The following NRXN3 variants were observed in gnomAD, a reference collection of about 807,000 sequenced individuals.
NRXN3 encodes neurexin III.
Under a neutral mutation model 137.6 loss-of-function variants are expected in NRXN3, and 32 were observed. The observed-to-expected ratio is 0.23, with a 90% CI of 0.18 to 0.31. The LOEUF is 0.31. Ranked by LOEUF, NRXN3 falls within the 10% of genes least tolerant of loss-of-function variation. The pLI is 1.00. For synonymous variants in NRXN3, 798 were observed against 784.5 expected, an observed-to-expected ratio of 1.02 and a Z score of -0.29; for missense variants, 1,574 against 2,062.5, an observed-to-expected ratio of 0.76 and a Z score of 4.59.
chr14:78,310,219 A>G (rs1343564184), intron 4 of NRXN3, among the ~76,000 whole-genome samples: 1 of 146,526 alleles, frequency 6.8e-6, no homozygotes, highest in Non-Finnish European at 1.5e-5. Flanking sequence ...TCTCTACTGT[A>G]TATCTAAGGT....
intron 4 of NRXN3, among the ~76,000 whole-genome samples, chr14:78,356,124 C>T (rs1269232682): frequency 1.3e-5 from 2 of 152,230 alleles, no homozygotes; most frequent in African/African-American, 4.8e-5. Context: ...CAGAAATTCT[C>T]ACCCACTTTG....
At chr14:78,628,405 T>C (rs1416172741) in intron 4 of NRXN3, among the ~76,000 whole-genome samples, 1 of 152,168 alleles carries the variant, frequency 6.6e-6, no homozygotes, top group African/African-American at 2.4e-5. Context: ...CACAATAACC[T>C]GATTTAAGGA....
chr14:79,726,895 T>A (rs1414976166), intron 19 of NRXN3, among the ~76,000 whole-genome samples: 1 of 152,096 alleles, frequency 6.6e-6, no homozygotes, highest in Non-Finnish European at 1.5e-5. Flanking sequence ...AAGAGACCGC[T>A]TTGAGGTCAA....
At chr14:79,094,608 C>T (rs769225200) in intron 15 of NRXN3, among the ~76,000 whole-genome samples, 28 of 152,108 alleles carry the variant, frequency 1.8e-4, no homozygotes, top group Non-Finnish European at 2.8e-4. Flanking sequence ...TATCTTCTGA[C>T]GGCAGTCTGT....
At chr14:78,226,923 A>G (rs1415217337) in intron 1 of NRXN3, among the ~76,000 whole-genome samples, 1 of 152,220 alleles carries the variant, frequency 6.6e-6, no homozygotes, top group East Asian at 1.9e-4. Context: ...GTGACAGGGC[A>G]GAGTCTGGCA....
At chr14:79,455,975 T>C (rs2096252189) in intron 15 of NRXN3, among the ~76,000 whole-genome samples, 1 of 152,090 alleles carries the variant, frequency 6.6e-6, no homozygotes, top group Non-Finnish European at 1.5e-5. Context: ...ATTTGAGACA[T>C]TTTCTTCTGA....
Position 79,479,042 on chromosome 14 carries a change from C to G in NRXN3, c.3444+11640C>G, listed in dbSNP as rs2096583885. ...GAACAAATCCCCTGATCCTAGTGAT[C>G]ATGTGCAATGAGGCATGGAATCTGA... On this transcript the variant is annotated intron_variant, in intron 16 of 20. Transcript: ENST00000335750. 2.0e-5 allele frequency among the ~76,000 whole-genome samples: 3 copies of G among 152,128 alleles called. No individual in the cohort carries two copies. In the South Asian group the frequency reaches 6.2e-4, roughly 31 times the overall value.
chr14:78,876,939 G>C (rs17108332), intron 10 of NRXN3, among the ~76,000 whole-genome samples: 7,269 of 152,166 alleles, frequency 0.048, 570 homozygotes, highest in African/African-American at 0.16. Flanking sequence ...TTCTTCACTA[G>C]AGCCTAGCAA....
At chr14:79,357,774 A>C (rs1444005393) in intron 15 of NRXN3, among the ~76,000 whole-genome samples, 1 of 152,212 alleles carries the variant, frequency 6.6e-6, no homozygotes, top group Non-Finnish European at 1.5e-5. Context: ...GTTTCACCCC[A>C]ATATGTCACT....
rs149183573 is a variant in NRXN3, at chr14:79,699,525, C to A, written c.4014+1588C>A. 2.2e-3 allele frequency among the ~76,000 whole-genome samples: 330 copies of A among 152,052 alleles called. 1 individual carries two copies. The highest frequency in any genetic ancestry group is 7.7e-3 in the African/African-American group (321 of 41,508). On this transcript the variant is annotated intron_variant, in intron 19 of 20. Coordinates refer to ENST00000335750, the MANE Select transcript of NRXN3 (RefSeq NM_001330195.2). ...TTAATGTTACACGGGGATTCGGGAA[C>A]CAAGCTGTAGTAATTATTGGTTTTT...
rs148281529 is a variant in NRXN3 at position 78,587,694 on chromosome 14, AT to A, written c.758-57424del. The stretch of plus-strand genomic sequence containing the variant: ...TCTGCCAATCATCTTTCCAAAATGA[AT>A]TAATACTCTCCCATTTTCTTAAAAA... On this transcript the variant is annotated intron_variant, in intron 4 of 20. Transcript: ENST00000335750. Among the ~76,000 whole-genome samples the A allele has an allele frequency of 7.3e-4, 111 of 152,310 alleles. 2 individuals are homozygous for A. The East Asian group carries it at 0.019, about 27-fold the overall frequency.
intron 19 of NRXN3, among the ~76,000 whole-genome samples, chr14:79,795,085 T>G (rs1369106809): frequency 6.6e-6 from 1 of 152,192 alleles, no homozygotes; most frequent in Non-Finnish European, 1.5e-5. Context: ...CTGCTACATT[T>G]CCAACACCCA....
chr14:79,028,528 C>T (rs1274174891), intron 15 of NRXN3, among the ~76,000 whole-genome samples: 1 of 152,146 alleles, frequency 6.6e-6, no homozygotes, highest in Non-Finnish European at 1.5e-5. Context: ...GGCAGTTCCT[C>T]TGTTGAATAG....
intron 15 of NRXN3, among the ~76,000 whole-genome samples, chr14:79,063,607 A>G (rs2152677616): frequency 6.6e-6 from 1 of 152,222 alleles, no homozygotes; most frequent in Middle Eastern, 3.4e-3. Context: ...AACCCATAGG[A>G]AATATTATTG....
chr14:79,472,620 T>A (rs111531461), intron 16 of NRXN3, among the ~76,000 whole-genome samples: 24 of 152,346 alleles, frequency 1.6e-4, no homozygotes, highest in African/African-American at 5.1e-4. Context: ...AGGAATTTTT[T>A]AAAATCTATT....
In NRXN3 at chr14:78,736,397, A is replaced by C. The variant is rs2152917193; in HGVS notation, c.2044+21258A>C. ...TCTGAGCCTTATATTTTTTTCACTC[A>C]TAGGGCTGGATAATTGTAATTGTCT... On this transcript the variant is annotated intron_variant, in intron 8 of 20. Transcript: ENST00000335750. Among the ~76,000 whole-genome samples, 3 of 152,270 alleles carry C rather than the reference A, an allele frequency of 2.0e-5. No individual in the cohort carries two copies. In the South Asian group the frequency reaches 6.2e-4, roughly 32 times the overall value.
chr14:78,453,893 T>G (rs961614602), intron 4 of NRXN3, among the ~76,000 whole-genome samples: 3 of 152,196 alleles, frequency 2.0e-5, no homozygotes, highest in Non-Finnish European at 4.4e-5. Flanking sequence ...AGACTCTCCC[T>G]TAGAGTCCTC....
At chr14:78,896,957 A>C (rs182215299) in intron 10 of NRXN3, among the ~76,000 whole-genome samples, 9 of 151,974 alleles carry the variant, frequency 5.9e-5, no homozygotes, top group African/African-American at 2.2e-4. Flanking sequence ...AGAGTTTGGC[A>C]AACTATGATT....
intron 16 of NRXN3, among the ~76,000 whole-genome samples, chr14:79,609,280 C>G (rs1181525317): frequency 6.6e-6 from 1 of 152,058 alleles, no homozygotes; most frequent in African/African-American, 2.4e-5. Context: ...CTTATTCCAC[C>G]AAAAGAGGTT....
Sources: gnomAD v4.1 joint callset for allele counts (sites outside exome capture counted in the v4.1 genomes callset) on GRCh38, gnomAD v4.1.1 for gene constraint, MANE v1.5 for transcripts, NCBI Gene and HGNC (gene_info 2026-07-23, HGNC 2026-07-21) for gene names.